The following REV1 variants were observed in gnomAD, a reference collection of about 807,000 sequenced individuals.
The protein encoded by REV1 is translesion synthesis protein REV1.
REV1 carries 42 observed loss-of-function variants against 137.4 expected under a neutral mutation model. That is an observed-to-expected ratio of 0.31 (90% CI 0.24 to 0.40). The LOEUF (loss-of-function observed/expected upper bound fraction) is 0.40, where lower values mean the gene tolerates loss of function less well. Ranked by LOEUF, REV1 falls within the 10% of genes least tolerant of loss-of-function variation. The probability of loss-of-function intolerance (pLI) is 1.00; values close to 1 mark genes in which losing one functional copy is unlikely to be tolerated. For synonymous variants in REV1, 524 were observed against 519.2 expected (o/e 1.01, Z -0.12); for missense variants, 1,282 against 1,490.1 (o/e 0.86, Z 2.30).
At position 99,421,520 on chromosome 2, in the gene REV1, A is replaced by G; in HGVS notation, c.1810T>C (p.Cys604Arg). 1.2e-6 allele frequency: 2 copies of G among 1,614,056 alleles called. No homozygotes were observed. Among genetic ancestry groups the G allele is most frequent in the Non-Finnish European group, 1.7e-6 (2 of 1,179,946 alleles). Residue 604 changes from cysteine (C) to arginine (R), a missense_variant, in exon 11 of 23, where the codon TGT becomes CGT. Physicochemically the swap from Cys to Arg is radical, Grantham distance 180. Around this residue, in one of 7 missense-constraint regions of REV1, gnomAD observed 372 missense variants for 482.3 expected, o/e 0.77. Coordinates refer to ENST00000258428, the MANE Select transcript of REV1 (RefSeq NM_016316.4). ...VRMEIKDQTK[C>R]AASVGIGSNI... ...TAACCAATTCCAACAGAGGCAGCAC[A>G]TTTCGTCTGGTCTTTGATTTCCATA...
At chr2:99,489,651 G>C (rs2104359697) in intron 1 of REV1, among the ~76,000 whole-genome samples, 166 bp downstream of exon 1, 1 of 149,314 alleles carries the variant, frequency 6.7e-6, no homozygotes, top group East Asian at 2.0e-4. Flanking sequence ...AGCCCAGGCC[G>C]CGACAGGACG....
intron 18 of REV1, 67 bp downstream of exon 18, chr2:99,404,377 G>C: frequency 7.6e-7 from 1 of 1,323,014 alleles, no homozygotes. Flanking sequence ...AGTGAGACAG[G>C]TCCTAAGTTG....
chr2:99,440,781 G>A (rs1454878895), intron 5 of REV1, among the ~76,000 whole-genome samples: 2 of 152,164 alleles, frequency 1.3e-5, no homozygotes, highest in South Asian at 2.1e-4. Context: ...AGTGATGTAC[G>A]TCAGAAAGTC....
At chr2:99,411,565 T>C in intron 13 of REV1, among the ~76,000 whole-genome samples, 1 of 151,368 alleles carries the variant, frequency 6.6e-6, no homozygotes, top group Non-Finnish European at 1.5e-5. Context: ...TGCCACAATG[T>C]CTGGCTAATT....
rs906976012 is a variant in REV1, at chr2:99,479,654, C to T, written c.-11+10163G>A. Among the ~76,000 whole-genome samples the T allele has an allele frequency of 7.2e-5, 11 of 152,000 alleles. No homozygotes were observed. In the East Asian group the frequency reaches 2.1e-3, roughly 29 times the overall value. ...AAAAAATAAAAATAATAAAAAGAGCCAGGCATGGTGGCACACACCTGTAGT... is the reference window on the plus strand; with the variant it reads ...AAAAAATAAAAATAATAAAAAGAGCTAGGCATGGTGGCACACACCTGTAGT... On this transcript the variant is annotated intron_variant, in intron 1 of 22. Coordinates refer to ENST00000258428, the MANE Select transcript of REV1 (RefSeq NM_016316.4).
chr2:99,444,862 C>A (rs13416265), intron 4 of REV1, among the ~76,000 whole-genome samples: 1 of 151,900 alleles, frequency 6.6e-6, no homozygotes, highest in South Asian at 2.1e-4. Context: ...TTGTTCTAAG[C>A]GCAAAGGAAC....
intron 9 of REV1, 54 bp from the exon 10 acceptor site, chr2:99,424,334 A>T: frequency 1.3e-6 from 2 of 1,563,890 alleles, no homozygotes; most frequent in Non-Finnish European, 1.7e-6. Context: ...TTCAACTCAA[A>T]TATTTATCAA....
intron 3 of REV1, among the ~76,000 whole-genome samples, chr2:99,450,734 C>T (rs888517814): frequency 6.6e-6 from 1 of 151,904 alleles, no homozygotes; most frequent in African/African-American, 2.4e-5. Flanking sequence ...CCAATATATC[C>T]AAAATATTAT....
At chr2:99,402,846 C>T (rs966842925) in intron 20 of REV1, 43 bp downstream of exon 20, 8 of 1,612,978 alleles carry the variant, frequency 5.0e-6, no homozygotes, top group Non-Finnish European at 6.8e-6. Context: ...ACACATTATC[C>T]AGGTATATTA....
intron 1 of REV1, among the ~76,000 whole-genome samples, chr2:99,479,943 CAGGATAGAAGGT>C (rs1445395707): frequency 9.9e-5 from 15 of 152,008 alleles, no homozygotes; most frequent in African/African-American, 2.7e-4. Flanking sequence ...TAGGATTTTA[CAGGATAGAAGGT>C]AGGATAGAAG....
At chr2:99,424,040 T>C (rs1208660092) in intron 10 of REV1, 112 bp downstream of exon 10, 1 of 1,186,812 alleles carries the variant, frequency 8.4e-7, no homozygotes, top group Non-Finnish European at 1.2e-6. Context: ...TCCTGGAAGA[T>C]AAAATTCTAA....
rs966586680 is a variant in REV1 at position 99,487,689 on chromosome 2, A to G, written c.-11+2128T>C. 2.5e-5 allele frequency among the ~76,000 whole-genome samples: 3 copies of G among 119,234 alleles called. 1 individual carries two copies. The highest frequency in any genetic ancestry group is 5.5e-5 in the Non-Finnish European group (3 of 54,674). The allele number at this position is 119,234 out of a possible 152,430, so 78.2% of individuals were successfully genotyped here. ...GTTCTGTTTAATATACTCTATGATT[A>G]GTAATACGCCACATATACACACCCA... On this transcript the variant is annotated intron_variant, in intron 1 of 22. Coordinates refer to ENST00000258428, the MANE Select transcript of REV1 (RefSeq NM_016316.4).
At chr2:99,442,170 T>C (rs1011925025) in intron 5 of REV1, 147 bp downstream of exon 5, 26 of 661,356 alleles carry the variant, frequency 3.9e-5, no homozygotes, top group Non-Finnish European at 5.8e-5. Flanking sequence ...GAGAATCACT[T>C]GAACCTGGGA....
At chr2:99,462,380 C>T in intron 3 of REV1, 116 bp downstream of exon 3, 1 of 966,248 alleles carries the variant, frequency 1.0e-6, no homozygotes. Context: ...TTTATTTCTT[C>T]TCATCTTACA....
intron 5 of REV1, among the ~76,000 whole-genome samples, chr2:99,440,865 T>C (rs1247094551): frequency 6.6e-6 from 1 of 152,190 alleles, no homozygotes; most frequent in African/African-American, 2.4e-5. Context: ...CAGAAAGCCA[T>C]ATATTGGCAG....
At chr2:99,442,216 C>T (rs2104859257) in intron 5 of REV1, 101 bp downstream of exon 5, 1 of 1,106,748 alleles carries the variant, frequency 9.0e-7, no homozygotes, top group Non-Finnish European at 1.3e-6. Flanking sequence ...CATACCATTG[C>T]ACTCCAGCCT....
intron 12 of REV1, among the ~76,000 whole-genome samples, chr2:99,414,027 C>T (rs1677528534): frequency 1.3e-5 from 2 of 152,128 alleles, no homozygotes. Flanking sequence ...TGGTGGTGCG[C>T]TCCTGTAGTC....
rs776413764 is a variant in REV1, at chr2:99,438,829, C to A, written c.985G>T (p.Val329Leu). 1 of 1,614,212 alleles carries A rather than the reference C, an allele frequency of 6.2e-7. No homozygotes were observed. Among genetic ancestry groups the A allele is most frequent in the Non-Finnish European group, 8.5e-7 (1 of 1,180,038 alleles). Residue 329 changes from valine (V) to leucine (L), a missense_variant, in exon 6 of 23, where the codon GTA becomes TTA. Val to Leu is a conservative substitution (Grantham distance 32). Transcript: ENST00000258428. ...GPSSTKSTSS[V>L]STFSKAAPSV... ...GGTGCTGCCTTGCTAAACGTAGATA[C>A]TGAAGAAGTGCTTTTTGTGCTTGAA...
intron 12 of REV1, among the ~76,000 whole-genome samples, chr2:99,417,803 G>T (rs1678098552): frequency 6.6e-6 from 1 of 152,162 alleles, no homozygotes; most frequent in Admixed American, 6.5e-5. Flanking sequence ...AATTTTACAT[G>T]CAACTTTAAA....
Sources: allele counts gnomAD v4.1 joint callset (sites outside exome capture counted in the v4.1 genomes callset), GRCh38; gene constraint gnomAD v4.1.1; regional missense constraint gnomAD v4.1.1; transcripts MANE v1.5; gene names NCBI Gene and HGNC (gene_info 2026-07-23, HGNC 2026-07-21).